The following NAGK variants were observed in gnomAD, a reference collection of about 807,000 sequenced individuals.
NAGK encodes the protein N-acetyl-D-glucosamine kinase.
In NAGK, 35 loss-of-function variants were observed where a neutral mutation model predicts 42.9. The ratio of observed to expected loss-of-function variants is 0.82; its 90% CI spans 0.62 to 1.08. The LOEUF is 1.08. Ranked by LOEUF, NAGK falls within the 50% of genes least tolerant of loss-of-function variation. The pLI, the probability that NAGK is intolerant of heterozygous loss-of-function variation, is 0.00. For missense variants in NAGK, 446 were observed against 446.0 expected (o/e 1.00, Z 0.00); for synonymous variants, 172 against 176.0 (o/e 0.98, Z 0.18).
Position 71,073,406 on chromosome 2 carries a change from G to A in NAGK, c.467-76G>A, listed in dbSNP as rs77337878. 3.6e-5 allele frequency: 34 copies of A among 955,004 alleles called. No homozygotes were observed. The South Asian group carries it at 3.7e-4, about 10-fold the overall frequency. 59.2% of individuals were successfully genotyped at this position (955,004 alleles called of 1,614,324 possible). On this transcript the variant is annotated intron_variant, in intron 5 of 9. Transcript: ENST00000244204. ...TAAAATTCAAGCAGATCACTAACCT[G>A]TCTGGATCTGAGTTTCCCTCCTCGT...
chr2:71,070,526 T>C lies in NAGK; in HGVS notation c.54T>C (p.Leu18=). The change falls in exon 2 of 10, where the codon CTT becomes CTC. Residue 18 remains leucine, a synonymous_variant. Coordinates refer to ENST00000244204, the MANE Select transcript of NAGK (RefSeq NM_017567.6). ...GGGGAGGCACACGATCCGAGGTCCT[T>C]TTAGTCTCAGAGGATGGGAAGATCC... The part of the protein sequence containing the change: ...VEGGGTRSEV[L]LVSEDGKILA... 1 of 1,613,998 alleles carries C rather than the reference T, an allele frequency of 6.2e-7. No homozygotes were observed. Among genetic ancestry groups the C allele is most frequent in the Non-Finnish European group, 8.5e-7 (1 of 1,179,932 alleles).
intron 9 of NAGK, 118 bp downstream of exon 9, chr2:71,077,754 G>A (rs1672271024): frequency 2.8e-6 from 3 of 1,060,946 alleles, no homozygotes; most frequent in African/African-American, 1.6e-5. Flanking sequence ...GGCCTAGACA[G>A]GCCACTGATG....
At position 71,068,655 on chromosome 2, in the gene NAGK, GC is replaced by G; in HGVS notation, c.-28del. On this transcript the variant is annotated 5_prime_UTR_variant, in exon 1 of 10. Coordinates refer to ENST00000244204, the MANE Select transcript of NAGK (RefSeq NM_017567.6). ...TGTCAGGCGGGGAGAGACGCAAACG[GC>G]GGGACCAGCAGCGACGGTAGCAGCA... 6.6e-7 allele frequency: 1 copy of G among 1,522,250 alleles called. No homozygotes were observed. The highest frequency in any genetic ancestry group is 2.8e-5 in the East Asian group (1 of 36,326). 94.3% of individuals were successfully genotyped at this position (1,522,250 alleles called of 1,614,324 possible).
Position 71,078,531 on chromosome 2 carries a change from C to T in NAGK, c.*23C>T, listed in dbSNP as rs112773895. 1.3e-6 allele frequency: 2 copies of T among 1,489,182 alleles called. No homozygotes were observed. Among genetic ancestry groups the T allele is most frequent in the Non-Finnish European group, 9.0e-7 (1 of 1,114,090 alleles). The allele number at this position is 1,489,182 out of a possible 1,614,324, so 92.2% of individuals were successfully genotyped here. The stretch of plus-strand genomic sequence containing the variant: ...TAGGGGGCTGGTCCCGGCTCCACCC[C>T]CTCCAAGCTCAGTGGACACTGGGTC... On this transcript the variant is annotated 3_prime_UTR_variant, in exon 10 of 10. Transcript: ENST00000244204.
intron 6 of NAGK, among the ~76,000 whole-genome samples, chr2:71,074,108 G>T (rs541826416): frequency 2.1e-4 from 32 of 152,156 alleles, no homozygotes; most frequent in Non-Finnish European, 3.8e-4. Context: ...TTCATTTGTG[G>T]TAAGTTAGGA....
intron 6 of NAGK, chr2:71,075,002 A>G (rs1199258431): frequency 6.6e-6 from 1 of 152,504 alleles, no homozygotes; most frequent in Non-Finnish European, 1.5e-5. Context: ...TTGGGATTGG[A>G]AGGACCTACC....
At chr2:71,077,340 A>G (rs1367027188) in intron 8 of NAGK, among the ~76,000 whole-genome samples, 4 of 150,974 alleles carry the variant, frequency 2.6e-5, no homozygotes, top group Non-Finnish European at 5.9e-5. Context: ...CTTCCTCTCT[A>G]TTGTTGCTTA....
At position 71,076,619 on chromosome 2, in the gene NAGK, AC is replaced by A. The variant is rs1464731432; in HGVS notation, c.688del (p.Leu230PhefsTer18). The A allele has an allele frequency of 6.2e-7, 1 of 1,612,824 alleles. No individual in the cohort carries two copies. The highest frequency in any genetic ancestry group is 1.3e-5 in the African/African-American group (1 of 74,700). The stretch of plus-strand genomic sequence containing the variant: ...CCTACCCCAGGTGCTCAGCAGGGAG[AC>A]CCCCTTTCCCGCTATATCTTCAGGA... ...RKIAEGAQQG[D>X]PLSRYIFRKA... On this transcript the variant is annotated frameshift_variant, in exon 8 of 10. Coordinates refer to ENST00000244204, the MANE Select transcript of NAGK (RefSeq NM_017567.6). LOFTEE classifies it high-confidence loss of function.
intron 8 of NAGK, 122 bp from the exon 9 acceptor site, chr2:71,077,436 C>T (rs1301277352): frequency 3.0e-5 from 26 of 878,974 alleles, no homozygotes; most frequent in Non-Finnish European, 4.5e-5. Flanking sequence ...CTGAGTCTGT[C>T]TACTGTTTCT....
At chr2:71,075,252 A>C (rs1163019960) in intron 6 of NAGK, 3 of 252,686 alleles carry the variant, frequency 1.2e-5, no homozygotes, top group African/African-American at 2.2e-5. Flanking sequence ...CCTTGTCCCT[A>C]AAAAGGAAAA....
chr2:71,069,848 A>AC (rs530192109), intron 1 of NAGK: 210 of 156,288 alleles, frequency 1.3e-3, no homozygotes, highest in Non-Finnish European at 2.5e-3. Flanking sequence ...AACTACTGTG[A>AC]CCCCCAGTAA....
intron 1 of NAGK, chr2:71,069,424 CAG>C (rs1671914198): frequency 6.6e-6 from 1 of 152,250 alleles, no homozygotes; most frequent in Non-Finnish European, 1.5e-5. Context: ...TTTGTCAAAT[CAG>C]GGAATAATGG....
chr2:71,076,730 A>C, intron 8 of NAGK, 29 bp downstream of exon 8: 1 of 1,587,700 alleles, frequency 6.3e-7, no homozygotes, highest in South Asian at 1.1e-5. Flanking sequence ...GAAGGTGGGG[A>C]GCTGCTGGGT....
chr2:71,075,483 G>T, intron 6 of NAGK, 72 bp from the exon 7 acceptor site: 13 of 1,231,122 alleles, frequency 1.1e-5, no homozygotes, highest in Non-Finnish European at 1.6e-5. Flanking sequence ...CATTAGGAAG[G>T]CCAACTTTGG....
At chr2:71,077,181 T>A (rs926430158) in intron 8 of NAGK, among the ~76,000 whole-genome samples, 1 of 152,122 alleles carries the variant, frequency 6.6e-6, no homozygotes, top group Non-Finnish European at 1.5e-5. Context: ...GCCAGGTAGG[T>A]CTTGAACTCC....
chr2:71,075,388 C>T (rs1672169336), intron 6 of NAGK, 167 bp from the exon 7 acceptor site: 5 of 591,666 alleles, frequency 8.5e-6, no homozygotes, highest in South Asian at 6.6e-5. Flanking sequence ...TTAGGGAACA[C>T]AGATAACTTT....
At chr2:71,072,405 G>A (rs967022334) in intron 4 of NAGK, 2 of 498,852 alleles carry the variant, frequency 4.0e-6, no homozygotes, top group African/African-American at 1.9e-5. Flanking sequence ...TCTAAGAGGT[G>A]CAGGCTTGCA....
Position 71,076,648 on chromosome 2 carries a change from G to T in NAGK, c.712G>T (p.Ala238Ser), listed in dbSNP as rs1321687837. 6.2e-7 allele frequency: 1 copy of T among 1,613,852 alleles called. No homozygotes were observed. Among genetic ancestry groups the T allele is most frequent in the African/African-American group, 1.3e-5 (1 of 74,920 alleles). Residue 238 changes from alanine to serine, a missense_variant, in exon 8 of 10, where the codon GCT becomes TCT. Coordinates refer to ENST00000244204, the MANE Select transcript of NAGK (RefSeq NM_017567.6). ...CCTTTCCCGCTATATCTTCAGGAAG[G>T]CTGGGGAGATGCTGGGCAGACACAT... ...DPLSRYIFRKAGEMLGRHIVA... is the reference protein window; with the variant it reads ...DPLSRYIFRKSGEMLGRHIVA...
In NAGK at chr2:71,071,750, A is replaced by T; in HGVS notation, c.278A>T (p.Asp93Val). ...AGRILIEELR[D>V]RFPYLSESYL... The stretch of plus-strand genomic sequence containing the variant: ...AGGATCCTGATCGAGGAGCTGAGGG[A>T]CCGATTTCCCTACCTGAGTGAAAGC... Residue 93 changes from aspartate to valine, a missense_variant, in exon 4 of 10, where the codon GAC (aspartate) becomes GTC (valine). Physicochemically the swap from Asp to Val is radical, Grantham distance 152 (BLOSUM62 -3). Transcript: ENST00000244204. 1 of 1,614,126 alleles carries T rather than the reference A, an allele frequency of 6.2e-7. No individual in the cohort carries two copies. The highest frequency in any genetic ancestry group is 1.1e-5 in the South Asian group (1 of 91,084).
Sources: gnomAD v4.1 joint callset for allele counts (sites outside exome capture counted in the v4.1 genomes callset) on GRCh38, gnomAD v4.1.1 for gene constraint, MANE v1.5 for transcripts, NCBI Gene and HGNC (gene_info 2026-07-23, HGNC 2026-07-21) for gene names.